The following MTA3 variants were observed in gnomAD, a reference collection of about 807,000 sequenced individuals.
MTA3 encodes the protein metastasis associated 1 family member 3.
In MTA3, 34 loss-of-function variants were observed where a neutral mutation model predicts 83.5. The observed-to-expected ratio is 0.41, with a 90% CI of 0.31 to 0.54. The LOEUF is 0.54. Among genes scored for constraint, MTA3 ranks in the 20% least tolerant of loss-of-function variants. MTA3 has a pLI of 0.33. For synonymous variants in MTA3, 303 were observed against 252.7 expected, an observed-to-expected ratio of 1.20 and a Z score of -1.89; for missense variants, 761 against 726.4, an observed-to-expected ratio of 1.05 and a Z score of -0.55.
chr2:42,557,967 A>G (rs1421133066), intron 2 of MTA3, among the ~76,000 whole-genome samples: 1 of 152,172 alleles, frequency 6.6e-6, no homozygotes, highest in Non-Finnish European at 1.5e-5. Flanking sequence ...GCTGCCTAGC[A>G]CCTGAAGAAT....
chr2:42,659,938 C>G (rs1689516474), intron 8 of MTA3, 76 bp downstream of exon 8: 1 of 1,162,680 alleles, frequency 8.6e-7, no homozygotes, highest in African/African-American at 1.6e-5. Flanking sequence ...TGTGGCAATA[C>G]TGTAGACCGG....
chr2:42,630,179 A>G (rs1686536573), intron 4 of MTA3, among the ~76,000 whole-genome samples: 1 of 152,244 alleles, frequency 6.6e-6, no homozygotes, highest in South Asian at 2.1e-4. Flanking sequence ...CTCTGATACT[A>G]GAATCAAGGC....
At chr2:42,523,212 G>A (rs1172608178) in intron 2 of MTA3, among the ~76,000 whole-genome samples, 1 of 152,120 alleles carries the variant, frequency 6.6e-6, no homozygotes, top group East Asian at 1.9e-4. Context: ...TGACTTCCCT[G>A]CCACCATGGG....
At chr2:42,685,931 C>G (rs1692328264) in intron 9 of MTA3, among the ~76,000 whole-genome samples, 1 of 152,170 alleles carries the variant, frequency 6.6e-6, no homozygotes. Context: ...AATGCCATCA[C>G]AGGTACATGA....
chr2:42,700,763 C>T (rs1329884732), intron 11 of MTA3, among the ~76,000 whole-genome samples: 1 of 152,176 alleles, frequency 6.6e-6, no homozygotes, highest in Non-Finnish European at 1.5e-5. Context: ...AGTATAGTGT[C>T]AGCTGAAAAC....
At chr2:42,506,545 C>T (rs1674637202) in intron 2 of MTA3, among the ~76,000 whole-genome samples, 1 of 151,982 alleles carries the variant, frequency 6.6e-6, no homozygotes, top group Non-Finnish European at 1.5e-5. Flanking sequence ...ATTGTGATTC[C>T]TTAATTCCTT....
chr2:42,710,457 A>C (rs1666501980), intron 14 of MTA3, among the ~76,000 whole-genome samples: 1 of 149,884 alleles, frequency 6.7e-6, no homozygotes. Flanking sequence ...AGGCCAAGGC[A>C]GGAGAATTGC....
intron 4 of MTA3, among the ~76,000 whole-genome samples, chr2:42,632,236 G>A (rs1422854580): frequency 1.3e-5 from 2 of 151,592 alleles, no homozygotes; most frequent in South Asian, 2.1e-4. Flanking sequence ...TTCTACAGGC[G>A]GCCGCCACCA....
intron 9 of MTA3, among the ~76,000 whole-genome samples, chr2:42,693,949 C>T (rs1255202004): frequency 6.6e-6 from 1 of 152,190 alleles, no homozygotes; most frequent in Non-Finnish European, 1.5e-5. Flanking sequence ...TTACTCGGGG[C>T]CCATGGGCTC....
chr2:42,554,981 T>C (rs1677306228), intron 2 of MTA3, among the ~76,000 whole-genome samples: 1 of 152,016 alleles, frequency 6.6e-6, no homozygotes, highest in Admixed American at 6.6e-5. Flanking sequence ...TGAAACCCCG[T>C]CTTCACTAAA....
intron 3 of MTA3, among the ~76,000 whole-genome samples, chr2:42,602,303 C>T (rs1682678963): frequency 6.6e-6 from 1 of 152,170 alleles, no homozygotes; most frequent in South Asian, 2.1e-4. Context: ...TATTACTGAA[C>T]ATTTGGCTTA....
At chr2:42,687,461 G>T (rs1692488821) in intron 9 of MTA3, among the ~76,000 whole-genome samples, 1 of 152,098 alleles carries the variant, frequency 6.6e-6, no homozygotes, top group Non-Finnish European at 1.5e-5. Flanking sequence ...TTCACCTGTT[G>T]AAGGGAATTT....
At chr2:42,696,730 C>A (rs531485708) in intron 10 of MTA3, among the ~76,000 whole-genome samples, 2 of 152,042 alleles carry the variant, frequency 1.3e-5, no homozygotes, top group African/African-American at 4.8e-5. Flanking sequence ...CATAACAAGA[C>A]CCTGTCTCTA....
At chr2:42,716,652 G>A (rs1425537720) in intron 14 of MTA3, among the ~76,000 whole-genome samples, 1 of 152,160 alleles carries the variant, frequency 6.6e-6, no homozygotes, top group Non-Finnish European at 1.5e-5. Context: ...TCCTGCAAAG[G>A]ACATGATATC....
chr2:42,594,120 T>G (rs998115795), intron 3 of MTA3, among the ~76,000 whole-genome samples: 2 of 151,772 alleles, frequency 1.3e-5, no homozygotes, highest in Non-Finnish European at 1.5e-5. Flanking sequence ...CCTGGCTAAT[T>G]TTTGTATTTT....
At chr2:42,654,025 C>T (rs1385146502) in intron 6 of MTA3, among the ~76,000 whole-genome samples, 2 of 152,156 alleles carry the variant, frequency 1.3e-5, no homozygotes, top group African/African-American at 4.8e-5. Context: ...TAAAAATGAA[C>T]CTAATGTTGA....
upstream of MTA3, among the ~76,000 whole-genome samples, chr2:42,566,187 A>G (rs563699201): frequency 3.3e-5 from 5 of 152,282 alleles, no homozygotes; most frequent in Admixed American, 2.6e-4. Context: ...GGTCTAAACC[A>G]TGTAGCTAAG....
intron 16 of MTA3, among the ~76,000 whole-genome samples, chr2:42,748,201 T>TTGTGTGTGTG (rs61339061): frequency 0.011 from 1,499 of 137,664 alleles, 22 homozygotes; most frequent in African/African-American, 0.03. Flanking sequence ...GCTAATGTGT[T>TTGTGTGTGTG]TGTGTGTGTG....
chr2:42,620,527 C>G (rs1055500079), intron 4 of MTA3, among the ~76,000 whole-genome samples: 1 of 152,164 alleles, frequency 6.6e-6, no homozygotes, highest in Non-Finnish European at 1.5e-5. Context: ...GGGTCTCGCT[C>G]TGTTGCTCAG....
Sources: gnomAD v4.1 joint callset for allele counts (sites outside exome capture counted in the v4.1 genomes callset) on GRCh38, gnomAD v4.1.1 for gene constraint, MANE v1.5 for transcripts, NCBI Gene and HGNC (gene_info 2026-07-23, HGNC 2026-07-21) for gene names.